Variants in GYS2 observed in about 807,000 individuals in gnomAD.
The protein encoded by GYS2 is glycogen [starch] synthase, liver.
In GYS2, 80 loss-of-function variants were observed where a neutral mutation model predicts 85.6. That is an observed-to-expected ratio of 0.93 (90% CI 0.78 to 1.13). The LOEUF is 1.13. Among genes scored for constraint, GYS2 ranks in the 50% most tolerant of loss-of-function variants. The pLI, the probability that GYS2 is intolerant of heterozygous loss-of-function variation, is 0.00. For missense variants in GYS2, 881 were observed against 854.9 expected (o/e 1.03, Z -0.38); for synonymous variants, 328 against 300.7 (o/e 1.09, Z -0.94).
intron 5 of GYS2, among the ~76,000 whole-genome samples, chr12:21,566,239 G>C (rs1282121189): frequency 6.6e-6 from 1 of 151,986 alleles, no homozygotes; most frequent in Non-Finnish European, 1.5e-5. Flanking sequence ...TTTTCCTCTT[G>C]CTCTGTAGTT....
chr12:21,576,468 A>G (rs188523939), intron 2 of GYS2, among the ~76,000 whole-genome samples: 6 of 151,464 alleles, frequency 4.0e-5, no homozygotes, highest in Non-Finnish European at 8.8e-5. Flanking sequence ...ATTTTCTTTT[A>G]TGGAACAGGA....
intron 1 of GYS2, among the ~76,000 whole-genome samples, chr12:21,602,231 G>C (rs1591815848): frequency 6.6e-6 from 1 of 152,002 alleles, no homozygotes; most frequent in South Asian, 2.1e-4. Context: ...CATTTCCTTT[G>C]AAAACTGAGG....
At position 21,536,905 on chromosome 12, in the gene GYS2, G is replaced by T; in HGVS notation, c.*49C>A. 1 of 1,241,020 alleles carries T rather than the reference G, an allele frequency of 8.1e-7. No individual in the cohort carries two copies. The highest frequency in any genetic ancestry group is 1.2e-6 in the Non-Finnish European group (1 of 841,756). 76.9% of individuals were successfully genotyped at this position (1,241,020 alleles called of 1,614,324 possible). ...GTGGCATTTTTATTTTAAATAATTA[G>T]TCTTACTTTGCTTTTTTAAATTAGC... is the stretch of plus-strand genomic sequence containing the variant. On this transcript the variant is annotated 3_prime_UTR_variant, in exon 16 of 16. Transcript: ENST00000261195.
In GYS2 at chr12:21,549,009, T is replaced by C. The variant is rs546012951; in HGVS notation, c.1423-2539A>G. Among the ~76,000 whole-genome samples the C allele has an allele frequency of 1.2e-4, 19 of 152,304 alleles. No individual in the cohort carries two copies. In the Middle Eastern group the frequency reaches 0.01, roughly 82 times the overall value. On this transcript the variant is annotated intron_variant, in intron 11 of 15. Transcript: ENST00000261195. ...GCTTGATTTACTGTGTATTGATTTC[T>C]GGACTCAAGAAAGTAATGGAAAAAT...
Position 21,583,431 on chromosome 12 carries a change from C to T in GYS2, c.122-2908G>A, listed in dbSNP as rs565689515. On this transcript the variant is annotated intron_variant, in intron 1 of 15. Coordinates refer to ENST00000261195, the MANE Select transcript of GYS2 (RefSeq NM_021957.4). The stretch of plus-strand genomic sequence containing the variant: ...GGGTGTGTTACTCTGGCCCATTTAT[C>T]GAGTGATCCAAAAGGCTGCCAGTTT... 9.8e-5 allele frequency among the ~76,000 whole-genome samples: 15 copies of T among 152,288 alleles called. No individual in the cohort carries two copies. In the East Asian group the frequency reaches 1.2e-3, roughly 12 times the overall value.
intron 5 of GYS2, 131 bp downstream of exon 5, chr12:21,568,734 T>G: frequency 1.3e-6 from 1 of 795,948 alleles, no homozygotes; most frequent in Non-Finnish European, 2.2e-6. Flanking sequence ...AGAATTAAAA[T>G]ACATAAAAAG....
chr12:21,558,617 T>A (rs1405836492), intron 10 of GYS2, among the ~76,000 whole-genome samples: 1 of 152,200 alleles, frequency 6.6e-6, no homozygotes, highest in African/African-American at 2.4e-5. Context: ...AGTCTTGACT[T>A]AAGATGAACT....
At chr12:21,539,225 T>G in intron 15 of GYS2, 33 bp downstream of exon 15, 1 of 1,116,862 alleles carries the variant, frequency 9.0e-7, no homozygotes, top group Middle Eastern at 2.4e-4. Flanking sequence ...AAAAGAAATA[T>G]AGCTTTCAAA....
chr12:21,574,090 C>T (rs898261292), intron 4 of GYS2, 54 bp downstream of exon 4: 2 of 1,348,740 alleles, frequency 1.5e-6, no homozygotes, highest in East Asian at 4.6e-5. Context: ...TATCTTTCAG[C>T]TTCAGCAATC....
rs1944273823 is a variant in GYS2, at chr12:21,562,998, T to C, written c.982A>G (p.Ile328Val). 1.2e-6 allele frequency: 2 copies of C among 1,613,182 alleles called. No individual in the cohort carries two copies. The highest frequency in any genetic ancestry group is 8.5e-7 in the Non-Finnish European group (1 of 1,179,468). Residue 328 changes from isoleucine to valine, a missense_variant, in exon 7 of 16, where the codon ATT (isoleucine) becomes GTT (valine). Physicochemically the swap from Ile to Val is conservative, Grantham distance 29. Transcript: ENST00000261195. ...TTTGAAAACTCATACCTCCCAGCAA[T>C]GAAAAGGAACAAAGTCTTTTCAAGA... The part of the protein sequence containing the change: ...FDLEKTLFLF[I>V]AGRYEFSNKG...
At chr12:21,573,278 A>G (rs972035663) in intron 4 of GYS2, among the ~76,000 whole-genome samples, 8 of 152,158 alleles carry the variant, frequency 5.3e-5, no homozygotes, top group African/African-American at 1.9e-4. Context: ...AGAACTCTTT[A>G]AGCTGGGAAA....
At chr12:21,592,446 T>G (rs1282846972) in intron 1 of GYS2, among the ~76,000 whole-genome samples, 1 of 152,016 alleles carries the variant, frequency 6.6e-6, no homozygotes, top group Non-Finnish European at 1.5e-5. Context: ...AGTAAAAAGA[T>G]GAAAGATCTT....
intron 4 of GYS2, 93 bp from the exon 5 acceptor site, chr12:21,569,102 C>G: frequency 1.5e-6 from 2 of 1,299,262 alleles, no homozygotes; most frequent in Admixed American, 3.4e-5. Context: ...TGGCTTACCT[C>G]AAGGCTGTGT....
chr12:21,571,001 T>C (rs1193692898), intron 4 of GYS2, among the ~76,000 whole-genome samples: 1 of 152,236 alleles, frequency 6.6e-6, no homozygotes, highest in Non-Finnish European at 1.5e-5. Context: ...TTAGCCATTG[T>C]TATTATTAAT....
intron 1 of GYS2, among the ~76,000 whole-genome samples, chr12:21,600,757 C>A (rs1235387460): frequency 6.6e-6 from 1 of 152,082 alleles, no homozygotes. Flanking sequence ...TCCTTGAGTT[C>A]ACTTATATCA....
chr12:21,604,795 T>C lies in GYS2; in HGVS notation c.-203A>G. Reference sequence around the variant, plus strand: ...GGAAGGAGGAATTCTTCCTCCTCTTTCTCGTCTTTCTGGGCAGGTATTGTG... The same window carrying C: ...GGAAGGAGGAATTCTTCCTCCTCTTCCTCGTCTTTCTGGGCAGGTATTGTG... On this transcript the variant is annotated 5_prime_UTR_variant, in exon 1 of 16. Coordinates refer to ENST00000261195, the MANE Select transcript of GYS2 (RefSeq NM_021957.4). 7.4e-7 allele frequency: 1 copy of C among 1,353,932 alleles called. No homozygotes were observed. The highest frequency in any genetic ancestry group is 3.1e-5 in the East Asian group (1 of 31,806). The allele number at this position is 1,353,932 out of a possible 1,614,324, so 83.9% of individuals were successfully genotyped here.
At chr12:21,544,285 A>T (rs887775) in intron 12 of GYS2, among the ~76,000 whole-genome samples, 2 of 152,036 alleles carry the variant, frequency 1.3e-5, no homozygotes, top group Non-Finnish European at 2.9e-5. Flanking sequence ...ACTATGGACT[A>T]TTCCACAAAC....
chr12:21,555,134 G>A (rs1944163420), intron 11 of GYS2, among the ~76,000 whole-genome samples: 1 of 152,120 alleles, frequency 6.6e-6, no homozygotes, highest in Non-Finnish European at 1.5e-5. Context: ...GAAGTCTACA[G>A]GGAAATAAAC....
intron 4 of GYS2, among the ~76,000 whole-genome samples, chr12:21,571,881 G>C (rs1300699638): frequency 1.3e-5 from 2 of 151,908 alleles, no homozygotes; most frequent in African/African-American, 2.4e-5. Flanking sequence ...GGAATCGCTT[G>C]AACCCGGGAG....
Sources: gnomAD v4.1 joint callset for allele counts (sites outside exome capture counted in the v4.1 genomes callset) on GRCh38, gnomAD v4.1.1 for gene constraint, MANE v1.5 for transcripts, NCBI Gene and HGNC (gene_info 2026-07-23, HGNC 2026-07-21) for gene names.